The following COLGALT2 variants were observed in gnomAD, a reference collection of about 807,000 sequenced individuals.
COLGALT2 encodes procollagen galactosyltransferase 2.
A neutral mutation model predicts 73.4 loss-of-function variants in COLGALT2; 49 were observed. The observed-to-expected ratio is 0.67, with a 90% confidence interval of 0.53 to 0.85. The LOEUF is 0.85. COLGALT2 is among the 40% of genes least tolerant of loss of function. The pLI, the probability that COLGALT2 is intolerant of heterozygous loss-of-function variation, is 0.00. For synonymous variants in COLGALT2, 295 were observed against 307.6 expected (o/e 0.96, Z 0.43); for missense variants, 722 against 790.2 (o/e 0.91, Z 1.03).
chr1:183,974,348 T>C (rs1427748320), intron 3 of COLGALT2, among the ~76,000 whole-genome samples: 2 of 152,210 alleles, frequency 1.3e-5, no homozygotes, highest in African/African-American at 4.8e-5. Context: ...TACTGAACTA[T>C]ACACTGAAAA....
At chr1:184,002,732 GTCTT>G (rs1366309148) in intron 1 of COLGALT2, among the ~76,000 whole-genome samples, 1 of 152,120 alleles carries the variant, frequency 6.6e-6, no homozygotes, top group Non-Finnish European at 1.5e-5. Flanking sequence ...CATGCTTTCT[GTCTT>G]TCTATCTTGA....
In COLGALT2 at chr1:183,936,154, G is replaced by T. The variant is rs559172535; in HGVS notation, c.*2607C>A. The T allele has an allele frequency of 4.1e-6, 4 of 985,600 alleles. No homozygotes were observed. In the South Asian group the frequency reaches 1.9e-4, roughly 46 times the overall value. The allele number at this position is 985,600 out of a possible 1,614,324, so 61.1% of individuals were successfully genotyped here. On this transcript the variant is annotated 3_prime_UTR_variant, in exon 12 of 12. Coordinates refer to ENST00000361927, the MANE Select transcript of COLGALT2 (RefSeq NM_015101.4). ...TTTAGCCTCCAGAGGCAGAGAGCGG[G>T]TGCCAGGCCCAGATGCAAAGGCCTC...
rs865995504 is a variant in COLGALT2, at chr1:183,940,910, A to G, written c.1398-123T>C. On this transcript the variant is annotated intron_variant, in intron 10 of 11. Coordinates refer to ENST00000361927, the MANE Select transcript of COLGALT2 (RefSeq NM_015101.4). ...CTGGACTGACTCTGTCTGTCATTAA[A>G]TGATGTATCACATCCAAAAGTGGAT... 8 of 837,806 alleles carry G rather than the reference A, an allele frequency of 9.5e-6. No individual in the cohort carries two copies. In the Middle Eastern group the frequency reaches 1.4e-3, roughly 146 times the overall value. The allele number at this position is 837,806 out of a possible 1,614,324, so 51.9% of individuals were successfully genotyped here.
intron 5 of COLGALT2, among the ~76,000 whole-genome samples, chr1:183,965,362 C>T (rs1455333747): frequency 1.3e-5 from 2 of 152,166 alleles, no homozygotes; most frequent in South Asian, 2.1e-4. Context: ...AATTATCCAT[C>T]AAGTGTGAGG....
At chr1:183,930,569 CTTT>C (rs397861890) in intron 11 of COLGALT2, among the ~76,000 whole-genome samples, 59 of 114,056 alleles carry the variant, frequency 5.2e-4, no homozygotes, top group African/African-American at 1.8e-3. Context: ...TTTTCTTTTT[CTTT>C]TTTTTTTTTT....
At chr1:183,970,925 T>A (rs182857420) in intron 4 of COLGALT2, among the ~76,000 whole-genome samples, 2 of 152,286 alleles carry the variant, frequency 1.3e-5, no homozygotes, top group Non-Finnish European at 2.9e-5. Flanking sequence ...GGACTCGGGT[T>A]TTTTAAAGGG....
Position 184,037,282 on chromosome 1 carries a change from G to T in COLGALT2, c.76C>A (p.Arg26=), listed in dbSNP as rs759141497. 2 of 1,549,918 alleles carry T rather than the reference G, an allele frequency of 1.3e-6. No individual in the cohort carries two copies. Among genetic ancestry groups the T allele is most frequent in the South Asian group, 2.4e-5 (2 of 83,780 alleles). The change falls in exon 1 of 12, where the codon CGA becomes AGA. Residue 26 remains arginine (R), a synonymous_variant. Coordinates refer to ENST00000361927, the MANE Select transcript of COLGALT2 (RefSeq NM_015101.4). ...TCCCGCTCGGCGACGAAGCGCGCTCGGCAGCCTTCGCGGAGCAGGGCTGAG... is the reference window on the plus strand; with the variant it reads ...TCCCGCTCGGCGACGAAGCGCGCTCTGCAGCCTTCGCGGAGCAGGGCTGAG... ...LSSALLREGC[R]ARFVAERDSE...
intron 6 of COLGALT2, among the ~76,000 whole-genome samples, chr1:183,960,057 G>A (rs1210957343): frequency 6.6e-6 from 1 of 152,102 alleles, no homozygotes; most frequent in Non-Finnish European, 1.5e-5. Flanking sequence ...TGCCTGTTTT[G>A]TTCACTGCTT....
chr1:184,037,538 C>T lies in COLGALT2; in HGVS notation c.-181G>A, dbSNP rs886965251. 6.2e-6 allele frequency: 7 copies of T among 1,132,680 alleles called. No homozygotes were observed. The highest frequency in any genetic ancestry group is 4.9e-5 in the Admixed American group (1 of 20,508). 70.2% of individuals were successfully genotyped at this position (1,132,680 alleles called of 1,614,324 possible). A position where few individuals can be genotyped will look rare whatever the true frequency, so the allele number is the denominator to read the frequency against. The stretch of plus-strand genomic sequence containing the variant: ...GCTGCGGTTCCCAGGACCCTCCCGC[C>T]GCCGCTGCACCGCCCAGGCCCCAGT... On this transcript the variant is annotated 5_prime_UTR_variant, in exon 1 of 12. Transcript: ENST00000361927.
chr1:183,999,313 T>C (rs1238487597), intron 1 of COLGALT2, among the ~76,000 whole-genome samples: 1 of 152,160 alleles, frequency 6.6e-6, no homozygotes. Context: ...TGGTGTAAAC[T>C]CAACTCAATG....
At chr1:183,950,952 G>A in intron 8 of COLGALT2, 55 bp downstream of exon 8, 1 of 1,291,262 alleles carries the variant, frequency 7.7e-7, no homozygotes, top group Non-Finnish European at 1.1e-6. Context: ...CTCTGTCAGA[G>A]AAGACACATC....
intron 1 of COLGALT2, among the ~76,000 whole-genome samples, chr1:183,984,303 G>A (rs1301634268): frequency 6.6e-6 from 1 of 152,238 alleles, no homozygotes; most frequent in African/African-American, 2.4e-5. Flanking sequence ...TACTTGGGAA[G>A]CTGAGGCAGG....
Position 183,940,601 on chromosome 1 carries a change from G to T in COLGALT2, c.1584C>A (p.Val528=). Residue 528 remains valine, a synonymous_variant, in exon 11 of 12, where the codon GTC becomes GTA. Coordinates refer to ENST00000361927, the MANE Select transcript of COLGALT2 (RefSeq NM_015101.4). ...CTCACACGGGATGCTTGTTGTACAT[G>T]ACTGGCAGAAACTCATCCACTGGCA... The part of the protein sequence containing the change: ...KMLPVDEFLP[V]MYNKHPVAEY... The T allele has an allele frequency of 2.5e-6, 4 of 1,614,208 alleles. No individual in the cohort carries two copies. Among genetic ancestry groups the T allele is most frequent in the South Asian group, 2.2e-5 (2 of 91,078 alleles).
intron 11 of COLGALT2, among the ~76,000 whole-genome samples, chr1:183,930,799 G>A (rs1005222616): frequency 1.1e-4 from 16 of 152,100 alleles, no homozygotes; most frequent in Admixed American, 9.2e-4. Context: ...CTACTTTGAT[G>A]ACACTAGGAG....
chr1:183,943,588 A>T (rs1670171418), intron 10 of COLGALT2, among the ~76,000 whole-genome samples: 2 of 152,136 alleles, frequency 1.3e-5, no homozygotes, highest in Admixed American at 6.6e-5. Flanking sequence ...GTAGACAAAG[A>T]ACATTAACTA....
chr1:183,971,313 C>A (rs1218936834), intron 4 of COLGALT2, among the ~76,000 whole-genome samples: 3 of 152,010 alleles, frequency 2.0e-5, no homozygotes, highest in Non-Finnish European at 4.4e-5. Flanking sequence ...TGGTAGAAAG[C>A]CAAAAATAAA....
intron 11 of COLGALT2, among the ~76,000 whole-genome samples, chr1:183,930,569 C>CTTTTTTTTT (rs397861890): frequency 2.7e-4 from 31 of 114,064 alleles, no homozygotes; most frequent in East Asian, 5.6e-4. Context: ...TTTTCTTTTT[C>CTTTTTTTTT]TTTTTTTTTT....
At chr1:184,017,763 A>G (rs1926880) in intron 1 of COLGALT2, among the ~76,000 whole-genome samples, 107,883 of 152,066 alleles carry the variant, frequency 0.71, 39,584 homozygotes, top group African/African-American at 0.89. Flanking sequence ...CTTCATTAGC[A>G]TCACAGTTAA....
intron 1 of COLGALT2, among the ~76,000 whole-genome samples, chr1:184,006,738 C>T (rs1005248351): frequency 1.3e-5 from 2 of 152,140 alleles, no homozygotes; most frequent in Non-Finnish European, 2.9e-5. Context: ...CCTGATTCCA[C>T]ATCTTCACCA....
Sources: allele counts gnomAD v4.1 joint callset (sites outside exome capture counted in the v4.1 genomes callset), GRCh38; gene constraint gnomAD v4.1.1; transcripts MANE v1.5; gene names NCBI Gene and HGNC (gene_info 2026-07-23, HGNC 2026-07-21).